Variants in NBEA observed in about 807,000 individuals in gnomAD.
The protein encoded by NBEA is neurobeachin.
Under a neutral mutation model 343.4 loss-of-function variants are expected in NBEA, and 44 were observed. That is an observed-to-expected ratio of 0.13 (90% confidence interval 0.10 to 0.16). NBEA has a LOEUF of 0.16. Among genes scored for constraint, NBEA ranks in the 10% least tolerant of loss-of-function variants. The pLI is 1.00. For missense variants in NBEA, 2,555 were observed against 3,631.3 expected (o/e 0.70, Z 7.62); for synonymous variants, 1,175 against 1,238.7 (o/e 0.95, Z 1.08).
At chr13:34,975,342 C>CAA (rs1397709948) in intron 1 of NBEA, among the ~76,000 whole-genome samples, 20 of 152,092 alleles carry the variant, frequency 1.3e-4, no homozygotes, top group African/African-American at 2.4e-5. Context: ...ACAAAGCAAA[C>CAA]AAAAGCATAA....
At chr13:35,129,065 T>TG (rs1318132259) in intron 17 of NBEA, among the ~76,000 whole-genome samples, 1 of 55,928 alleles carries the variant, frequency 1.8e-5, no homozygotes, top group African/African-American at 7.2e-5. Flanking sequence ...TCCTTAAACA[T>TG]GGGGGGAGGG....
intron 10 of NBEA, among the ~76,000 whole-genome samples, chr13:35,091,857 G>A (rs1436039155): frequency 1.3e-5 from 2 of 151,824 alleles, no homozygotes; most frequent in South Asian, 2.1e-4. Context: ...TCATTAAATT[G>A]GTAGATACAT....
intron 33 of NBEA, among the ~76,000 whole-genome samples, chr13:35,231,751 T>G (rs2074986242): frequency 6.6e-6 from 1 of 152,114 alleles, no homozygotes; most frequent in African/African-American, 2.4e-5. Flanking sequence ...ACCTAGCTAG[T>G]ATATGATAGA....
In NBEA at chr13:35,473,080, T is replaced by C. The variant is rs187254441; in HGVS notation, c.6585+544T>C. Among the ~76,000 whole-genome samples, 373 of 152,338 alleles carry C rather than the reference T, an allele frequency of 2.4e-3. 5 individuals are homozygous for C. The highest frequency in any genetic ancestry group is 4.3e-3 in the Non-Finnish European group (294 of 68,028). On this transcript the variant is annotated intron_variant, in intron 41 of 58. Coordinates refer to ENST00000379939, the MANE Select transcript of NBEA (RefSeq NM_001385012.1). ...TCTCTGAGCTTTGATTTTAAATATA[T>C]ATGCTAGCACTCAGATGTTTAAATA...
At chr13:35,289,643 A>G (rs767787536) in intron 34 of NBEA, among the ~76,000 whole-genome samples, 1 of 152,044 alleles carries the variant, frequency 6.6e-6, no homozygotes, top group Non-Finnish European at 1.5e-5. Flanking sequence ...GAATGGGAAT[A>G]ATAATACTAT....
intron 36 of NBEA, among the ~76,000 whole-genome samples, chr13:35,348,786 T>C (rs1364904286): frequency 3.3e-5 from 5 of 152,030 alleles, no homozygotes; most frequent in Non-Finnish European, 7.4e-5. Flanking sequence ...AAAAATTACC[T>C]CTAAGATAGT....
At chr13:35,211,409 A>T (rs2073761625) in intron 33 of NBEA, among the ~76,000 whole-genome samples, 1 of 152,218 alleles carries the variant, frequency 6.6e-6, no homozygotes, top group Admixed American at 6.5e-5. Flanking sequence ...TATAGTGTAT[A>T]GTAATTCACT....
intron 38 of NBEA, among the ~76,000 whole-genome samples, chr13:35,372,294 G>A (rs1050704311): frequency 1.2e-4 from 19 of 152,218 alleles, no homozygotes; most frequent in African/African-American, 4.1e-4. Flanking sequence ...TCCCAGGCCT[G>A]CAGATGGTAT....
intron 43 of NBEA, among the ~76,000 whole-genome samples, chr13:35,552,623 G>A (rs1349829627): frequency 6.6e-6 from 1 of 152,112 alleles, no homozygotes; most frequent in South Asian, 2.1e-4. Flanking sequence ...CTCAGGAATT[G>A]ACATTAAGAA....
intron 39 of NBEA, among the ~76,000 whole-genome samples, chr13:35,435,704 G>T (rs2045394034): frequency 6.6e-6 from 1 of 151,966 alleles, no homozygotes; most frequent in Non-Finnish European, 1.5e-5. Flanking sequence ...AAAAGAAAAA[G>T]CAATTTAAAA....
chr13:35,666,853 G>T (rs114945169), intron 56 of NBEA, among the ~76,000 whole-genome samples: 47 of 152,254 alleles, frequency 3.1e-4, no homozygotes, highest in African/African-American at 1.1e-3. Flanking sequence ...ATATCTTTCT[G>T]TAGGCTGAAA....
intron 41 of NBEA, 127 bp from the exon 42 acceptor site, chr13:35,550,350 T>A: frequency 1.7e-6 from 1 of 585,374 alleles, no homozygotes; most frequent in Non-Finnish European, 2.9e-6. Context: ...AGTATCAAAT[T>A]ATTGACAATG....
intron 38 of NBEA, among the ~76,000 whole-genome samples, chr13:35,372,913 T>G (rs1298087539): frequency 6.6e-6 from 1 of 152,120 alleles, no homozygotes; most frequent in African/African-American, 2.4e-5. Context: ...AATGGTGCCT[T>G]GATGTAGCTG....
chr13:35,058,892 T>C lies in NBEA; in HGVS notation c.1239+29T>C, dbSNP rs564013806. 79 of 1,538,380 alleles carry C rather than the reference T, an allele frequency of 5.1e-5. 1 individual carries two copies. In the South Asian group the frequency reaches 9.0e-4, roughly 17 times the overall value. The stretch of plus-strand genomic sequence containing the variant: ...GTAATAACTGTAATTTTATAAATTC[T>C]ATGGAGAGTTTTAGATGTAAAATGT... On this transcript the variant is annotated intron_variant, in intron 8 of 58. Coordinates refer to ENST00000379939, the MANE Select transcript of NBEA (RefSeq NM_001385012.1).
chr13:35,534,379 A>G (rs950280543), intron 41 of NBEA, among the ~76,000 whole-genome samples: 1 of 152,134 alleles, frequency 6.6e-6, no homozygotes, highest in African/African-American at 2.4e-5. Flanking sequence ...GGCTTCATTC[A>G]GATTTCTAGT....
rs114803232 is a variant in NBEA, at chr13:35,583,196, C to A, written c.7036-702C>A. ...GATTAGATGTGCTAAAATTTTGAGA[C>A]TGTGATGCAATTAAGCACATGCTTT... is the stretch of plus-strand genomic sequence containing the variant. On this transcript the variant is annotated intron_variant, in intron 45 of 58. Transcript: ENST00000379939. Among the ~76,000 whole-genome samples the A allele has an allele frequency of 2.8e-3, 423 of 152,228 alleles. 1 individual carries two copies. The highest frequency in any genetic ancestry group is 9.7e-3 in the African/African-American group (403 of 41,532).
chr13:35,121,613 GA>G (rs1162026879), intron 16 of NBEA, among the ~76,000 whole-genome samples: 2 of 147,584 alleles, frequency 1.4e-5, no homozygotes, highest in African/African-American at 2.5e-5. Context: ...TGTGGGATTT[GA>G]AAAAAAAATC....
At chr13:35,212,000 T>TACAC (rs3048222) in intron 33 of NBEA, among the ~76,000 whole-genome samples, 7,374 of 149,696 alleles carry the variant, frequency 0.049, 199 homozygotes, top group East Asian at 0.088. Context: ...TGTATACGTG[T>TACAC]ACACACACAC....
At chr13:35,051,257 G>T (rs916365124) in intron 6 of NBEA, among the ~76,000 whole-genome samples, 7 of 151,840 alleles carry the variant, frequency 4.6e-5, no homozygotes, top group Non-Finnish European at 8.8e-5. Flanking sequence ...CGTTTTTTAG[G>T]GCACACTGCC....
Sources: gnomAD v4.1 joint callset for allele counts (sites outside exome capture counted in the v4.1 genomes callset) on GRCh38, gnomAD v4.1.1 for gene constraint, MANE v1.5 for transcripts, NCBI Gene and HGNC (gene_info 2026-07-23, HGNC 2026-07-21) for gene names.